Variants in ANO10 observed in about 807,000 individuals in gnomAD.
ANO10 encodes the protein anoctamin 10.
In ANO10, 77 loss-of-function variants were observed where a neutral mutation model predicts 74.7. The ratio of observed to expected loss-of-function variants is 1.03; its 90% confidence interval spans 0.86 to 1.25. ANO10 has a LOEUF of 1.25. Among genes scored for constraint, ANO10 ranks in the 50% most tolerant of loss-of-function variants. The probability of loss-of-function intolerance (pLI) is 0.00; values close to 1 mark genes in which losing one functional copy is unlikely to be tolerated. For synonymous variants in ANO10, 279 were observed against 284.9 expected, an observed-to-expected ratio of 0.98 and a Z score of 0.21; for missense variants, 721 against 778.1, an observed-to-expected ratio of 0.93 and a Z score of 0.87.
At chr3:43,451,970 T>C (rs1216670607) in intron 11 of ANO10, among the ~76,000 whole-genome samples, 1 of 152,170 alleles carries the variant, frequency 6.6e-6, no homozygotes, top group African/African-American at 2.4e-5. Flanking sequence ...ACCGATAAAC[T>C]CCCAAGATTT....
At chr3:43,578,036 G>A (rs1237631776) in intron 5 of ANO10, among the ~76,000 whole-genome samples, 1 of 152,192 alleles carries the variant, frequency 6.6e-6, no homozygotes, top group Non-Finnish European at 1.5e-5. Context: ...GTGGGAAGCA[G>A]GGGGTGAGAG....
At chr3:43,645,619 T>C (rs1354578854) in intron 1 of ANO10, among the ~76,000 whole-genome samples, 1 of 152,226 alleles carries the variant, frequency 6.6e-6, no homozygotes, top group Non-Finnish European at 1.5e-5. Context: ...CTGAAGTGAT[T>C]GCTTTGAAGT....
chr3:43,574,750 A>G, intron 7 of ANO10, 59 bp downstream of exon 7: 4 of 1,288,410 alleles, frequency 3.1e-6, no homozygotes, highest in Non-Finnish European at 4.5e-6. Flanking sequence ...GTATTCCTAT[A>G]TATTATGTAG....
chr3:43,682,544 A>T (rs2084215492), intron 1 of ANO10, among the ~76,000 whole-genome samples: 1 of 152,178 alleles, frequency 6.6e-6, no homozygotes, highest in Non-Finnish European at 1.5e-5. Context: ...TATTCCAATC[A>T]ATAGAAAAAG....
intron 1 of ANO10, among the ~76,000 whole-genome samples, chr3:43,646,646 C>T (rs1351476444): frequency 6.6e-6 from 1 of 152,138 alleles, no homozygotes; most frequent in Non-Finnish European, 1.5e-5. Context: ...GCTGGGATTA[C>T]ACGTGCCTGC....
chr3:43,506,068 A>G (rs539375701), intron 11 of ANO10, among the ~76,000 whole-genome samples: 5 of 152,240 alleles, frequency 3.3e-5, no homozygotes, highest in Non-Finnish European at 5.9e-5. Context: ...TGGAATAAGT[A>G]CACTTTAATG....
In ANO10 at chr3:43,367,043, T is replaced by G. The variant is rs553086954; in HGVS notation, c.1915-69A>C. ...AGTAGTGGCCGAGGCCTCTGCTCTC[T>G]GTGGAAGCCTGGCCAGCGGCTTTGA... is the stretch of plus-strand genomic sequence containing the variant. On this transcript the variant is annotated intron_variant, in intron 12 of 12. Coordinates refer to ENST00000292246, the MANE Select transcript of ANO10 (RefSeq NM_018075.5). The G allele has an allele frequency of 8.3e-6, 12 of 1,451,566 alleles. No homozygotes were observed. The East Asian group carries it at 2.9e-4, about 35-fold the overall frequency. The allele number at this position is 1,451,566 out of a possible 1,614,324, so 89.9% of individuals were successfully genotyped here. A position where few individuals can be genotyped will look rare whatever the true frequency, so the allele number is the denominator to read the frequency against.
At chr3:43,611,255 T>G (rs1168200568) in intron 1 of ANO10, among the ~76,000 whole-genome samples, 1 of 152,142 alleles carries the variant, frequency 6.6e-6, no homozygotes, top group African/African-American at 2.4e-5. Flanking sequence ...ACTGGGGAGA[T>G]ACAAGACAGG....
intron 11 of ANO10, among the ~76,000 whole-genome samples, chr3:43,447,365 C>A (rs1262606436): frequency 6.6e-6 from 1 of 152,200 alleles, no homozygotes; most frequent in Non-Finnish European, 1.5e-5. Context: ...GCCTTGTCGA[C>A]CCAAGGTGAT....
intron 1 of ANO10, among the ~76,000 whole-genome samples, chr3:43,608,008 C>A (rs186776947): frequency 7.2e-5 from 11 of 152,134 alleles, no homozygotes; most frequent in African/African-American, 1.7e-4. Flanking sequence ...CAAGGAACTA[C>A]AAGGAACTAA....
At chr3:43,635,198 C>T (rs1227209406) in intron 1 of ANO10, among the ~76,000 whole-genome samples, 1 of 152,142 alleles carries the variant, frequency 6.6e-6, no homozygotes, top group African/African-American at 2.4e-5. Context: ...GATACTGAGC[C>T]CACATGTAAC....
intron 11 of ANO10, among the ~76,000 whole-genome samples, chr3:43,440,469 T>A (rs1056814584): frequency 1.3e-5 from 2 of 152,172 alleles, no homozygotes; most frequent in Non-Finnish European, 2.9e-5. Context: ...GAGGATATTA[T>A]GTAAAAACGA....
At chr3:43,483,775 A>G (rs990209782) in intron 11 of ANO10, among the ~76,000 whole-genome samples, 1 of 152,186 alleles carries the variant, frequency 6.6e-6, no homozygotes, top group Admixed American at 6.5e-5. Flanking sequence ...GAAGGTGTAC[A>G]TTGGTTCATC....
chr3:43,566,227 A>G (rs1260636573), intron 7 of ANO10, among the ~76,000 whole-genome samples: 1 of 152,108 alleles, frequency 6.6e-6, no homozygotes, highest in Non-Finnish European at 1.5e-5. Flanking sequence ...GCAGTCTGAG[A>G]TCAAACTGCA....
intron 11 of ANO10, among the ~76,000 whole-genome samples, chr3:43,507,457 T>C (rs2077337721): frequency 6.6e-6 from 1 of 152,080 alleles, no homozygotes; most frequent in African/African-American, 2.4e-5. Flanking sequence ...CTGGGTCAAG[T>C]GTGCAAGGCA....
chr3:43,594,925 G>A lies in ANO10; in HGVS notation c.472+3607C>T, dbSNP rs182792255. Among the ~76,000 whole-genome samples the A allele has an allele frequency of 9.9e-5, 15 of 152,252 alleles. No homozygotes were observed. The East Asian group carries it at 2.5e-3, about 25-fold the overall frequency. ...AATAGACACAATAAAAAATGATAAA[G>A]GGGATATCACCACCGATCCCACAGA... On this transcript the variant is annotated intron_variant, in intron 4 of 12. Transcript: ENST00000292246.
At chr3:43,596,546 A>C (rs138845008) in intron 4 of ANO10, among the ~76,000 whole-genome samples, 191 of 152,298 alleles carry the variant, frequency 1.3e-3, no homozygotes, top group African/African-American at 4.5e-3. Flanking sequence ...GTGCTGGGAA[A>C]ACTGGCCAGC....
At chr3:43,691,038 A>T in intron 1 of ANO10, 1 of 1,553,600 alleles carries the variant, frequency 6.4e-7, no homozygotes, top group Non-Finnish European at 8.7e-7. Context: ...CACCGGAGAG[A>T]GGTAAGCGCA....
chr3:43,409,036 G>A lies in ANO10; in HGVS notation c.1914+23575C>T, dbSNP rs186020594. On this transcript the variant is annotated intron_variant, in intron 12 of 12. Coordinates refer to ENST00000292246, the MANE Select transcript of ANO10 (RefSeq NM_018075.5). ...AAAAGAAACCCTGTCTCAAAAAAAAGAGTGCTGTACCTCTAGGTATTTTCT... is the reference window on the plus strand; with the variant it reads ...AAAAGAAACCCTGTCTCAAAAAAAAAAGTGCTGTACCTCTAGGTATTTTCT... 6.9e-4 allele frequency among the ~76,000 whole-genome samples: 105 copies of A among 151,714 alleles called. 2 individuals are homozygous for A. Among genetic ancestry groups the A allele is most frequent in the African/African-American group, 2.1e-3 (87 of 41,398 alleles).
Sources: allele counts gnomAD v4.1 joint callset (sites outside exome capture counted in the v4.1 genomes callset), GRCh38; gene constraint gnomAD v4.1.1; transcripts MANE v1.5; gene names NCBI Gene and HGNC (gene_info 2026-07-23, HGNC 2026-07-21).